Variants in DNMT3B observed in about 807,000 individuals in gnomAD.
The protein encoded by DNMT3B is DNA (cytosine-5)-methyltransferase 3B.
DNMT3B carries 37 observed loss-of-function variants against 120.2 expected under a neutral mutation model. The observed-to-expected ratio is 0.31, with a 90% CI of 0.24 to 0.40. DNMT3B has a LOEUF of 0.40. DNMT3B is among the 10% of genes least tolerant of loss of function. The probability of loss-of-function intolerance (pLI) is 1.00; values close to 1 mark genes in which losing one functional copy is unlikely to be tolerated. For synonymous variants in DNMT3B, 412 were observed against 442.8 expected (o/e 0.93, Z 0.87); for missense variants, 878 against 1,137.3 (o/e 0.77, Z 3.28).
intron 6 of DNMT3B, among the ~76,000 whole-genome samples, chr20:32,787,770 C>CA (rs1979501686): frequency 2.0e-5 from 3 of 152,154 alleles, no homozygotes; most frequent in Non-Finnish European, 1.5e-5. Context: ...GACCACCAAA[C>CA]AGGCTTTGTG....
At chr20:32,795,285 TGTGGACCC>T in intron 10 of DNMT3B, 116 bp from the exon 11 acceptor site, 1 of 1,466,860 alleles carries the variant, frequency 6.8e-7, no homozygotes, top group African/African-American at 1.4e-5. Context: ...ATACATTCAG[TGTGGACCC>T]CCTGTCATGC....
chr20:32,784,908 T>C, intron 4 of DNMT3B, 49 bp downstream of exon 4: 3 of 1,547,974 alleles, frequency 1.9e-6, no homozygotes, highest in Non-Finnish European at 2.7e-6. Flanking sequence ...ACACTCTACA[T>C]AGCATACATA....
At chr20:32,763,808 C>T (rs977331972) in intron 1 of DNMT3B, among the ~76,000 whole-genome samples, 1 of 152,154 alleles carries the variant, frequency 6.6e-6, no homozygotes, top group Non-Finnish European at 1.5e-5. Context: ...GCTGGGCCTC[C>T]GTGTTTCCAC....
chr20:32,784,991 A>G (rs1430401618), intron 4 of DNMT3B, 132 bp downstream of exon 4: 2 of 877,276 alleles, frequency 2.3e-6, no homozygotes, highest in Non-Finnish European at 1.8e-6. Flanking sequence ...TTTTGAAACT[A>G]GAAAATATAA....
At chr20:32,765,656 A>G in intron 1 of DNMT3B, among the ~76,000 whole-genome samples, 1 of 149,766 alleles carries the variant, frequency 6.7e-6, no homozygotes, top group Non-Finnish European at 1.5e-5. Context: ...CCTGACCTCA[A>G]GTGATTCACC....
intron 21 of DNMT3B, 51 bp from the exon 22 acceptor site, chr20:32,806,158 C>T (rs781486116): frequency 3.2e-6 from 5 of 1,565,138 alleles, no homozygotes; most frequent in East Asian, 2.2e-5. Flanking sequence ...GCCTTGACTC[C>T]CCAGGTCCCT....
At chr20:32,796,298 G>A (rs552676444) in intron 12 of DNMT3B, among the ~76,000 whole-genome samples, 1 of 152,258 alleles carries the variant, frequency 6.6e-6, no homozygotes, top group African/African-American at 2.4e-5. Flanking sequence ...GTTTTATAAA[G>A]GTCCTATCTA....
chr20:32,794,207 A>G (rs976972409), intron 10 of DNMT3B, among the ~76,000 whole-genome samples: 1 of 151,726 alleles, frequency 6.6e-6, no homozygotes, highest in African/African-American at 2.4e-5. Context: ...GAGAAATACA[A>G]AATTAGCTGG....
chr20:32,802,275 G>C, intron 19 of DNMT3B, 110 bp from the exon 20 acceptor site: 1 of 1,167,326 alleles, frequency 8.6e-7, no homozygotes, highest in Non-Finnish European at 1.3e-6. Flanking sequence ...TGTTTTGGAG[G>C]ATCCGTGCCT....
chr20:32,788,704 C>T (rs1044306826), intron 6 of DNMT3B, 150 bp from the exon 7 acceptor site: 17 of 991,600 alleles, frequency 1.7e-5, no homozygotes, highest in South Asian at 1.4e-4. Flanking sequence ...TCCCAAAGTA[C>T]TGAGAATTAC....
chr20:32,787,551 T>C, intron 6 of DNMT3B, 100 bp downstream of exon 6: 1 of 1,324,556 alleles, frequency 7.5e-7, no homozygotes, highest in South Asian at 1.3e-5. Context: ...ACAACAGTTG[T>C]TAGAAGTTTC....
chr20:32,774,269 G>T (rs895463701), intron 1 of DNMT3B, among the ~76,000 whole-genome samples: 1 of 151,846 alleles, frequency 6.6e-6, no homozygotes, highest in Admixed American at 6.6e-5. Context: ...GAGTGCAGTG[G>T]TGCTATCTCC....
chr20:32,782,829 T>C (rs1199141898), intron 3 of DNMT3B, among the ~76,000 whole-genome samples: 1 of 152,210 alleles, frequency 6.6e-6, no homozygotes, highest in Non-Finnish European at 1.5e-5. Context: ...GACTACTGTA[T>C]AGCAAACTGT....
At chr20:32,785,399 C>T (rs993307123) in intron 4 of DNMT3B, among the ~76,000 whole-genome samples, 1 of 152,112 alleles carries the variant, frequency 6.6e-6, no homozygotes, top group South Asian at 2.1e-4. Flanking sequence ...TCTTGTAACA[C>T]TCTTGGAGGT....
In DNMT3B at chr20:32,808,160, A is replaced by T; in HGVS notation, c.*257A>T. On this transcript the variant is annotated 3_prime_UTR_variant, in exon 23 of 23. Coordinates refer to ENST00000328111, the MANE Select transcript of DNMT3B (RefSeq NM_006892.4). ...GGTGCTCATTTTTTCTTCTCCTAAA[A>T]CTTTAAAACTTGAAGTAGGTAGCAA... 1 of 535,260 alleles carries T rather than the reference A, an allele frequency of 1.9e-6. No homozygotes were observed. The highest frequency in any genetic ancestry group is 3.3e-6 in the Non-Finnish European group (1 of 306,140). The allele number at this position is 535,260 out of a possible 1,614,324, so 33.2% of individuals were successfully genotyped here.
At chr20:32,782,417 T>C (rs1978737754) in intron 3 of DNMT3B, among the ~76,000 whole-genome samples, 1 of 152,212 alleles carries the variant, frequency 6.6e-6, no homozygotes, top group Non-Finnish European at 1.5e-5. Context: ...AACCTGCTGC[T>C]ACATTTTCAG....
At chr20:32,766,929 C>G (rs575680838) in intron 1 of DNMT3B, among the ~76,000 whole-genome samples, 30 of 148,890 alleles carry the variant, frequency 2.0e-4, no homozygotes, top group Non-Finnish European at 4.0e-4. Context: ...TCGCTCTTGT[C>G]GCCCAGGTTG....
intron 1 of DNMT3B, among the ~76,000 whole-genome samples, chr20:32,772,153 A>C (rs554542178): frequency 6.6e-6 from 1 of 152,306 alleles, no homozygotes; most frequent in Admixed American, 6.5e-5. Context: ...TTGCTATGAC[A>C]AATGGGACTG....
intron 12 of DNMT3B, among the ~76,000 whole-genome samples, chr20:32,796,119 A>G (rs976216186): frequency 6.6e-6 from 1 of 152,202 alleles, no homozygotes; most frequent in South Asian, 2.1e-4. Flanking sequence ...GGAATACAGA[A>G]TGTGTGAGGA....
Sources: gnomAD v4.1 joint callset for allele counts (sites outside exome capture counted in the v4.1 genomes callset) on GRCh38, gnomAD v4.1.1 for gene constraint, MANE v1.5 for transcripts, NCBI Gene and HGNC (gene_info 2026-07-23, HGNC 2026-07-21) for gene names.